CDH4: variants seen among roughly 807,000 people sequenced by gnomAD.
CDH4 encodes cadherin-4.
Under a neutral mutation model 86.0 loss-of-function variants are expected in CDH4, and 33 were observed. That is an observed-to-expected ratio of 0.38 (90% CI 0.29 to 0.51). CDH4 has a LOEUF of 0.51. Among genes scored for constraint, CDH4 ranks in the 20% least tolerant of loss-of-function variants. The pLI is 0.86. For missense variants in CDH4, 1,114 were observed against 1,307.4 expected (o/e 0.85, Z 2.28); for synonymous variants, 555 against 549.4 (o/e 1.01, Z -0.14).
intron 2 of CDH4, among the ~76,000 whole-genome samples, chr20:61,357,287 C>G (rs2084755872): frequency 6.6e-6 from 1 of 152,206 alleles, no homozygotes; most frequent in Non-Finnish European, 1.5e-5. Context: ...TGTGCCCCTC[C>G]CAGCATTGTC....
chr20:61,326,650 A>G (rs2084538342), intron 2 of CDH4, among the ~76,000 whole-genome samples: 1 of 152,210 alleles, frequency 6.6e-6, no homozygotes, highest in African/African-American at 2.4e-5. Context: ...GGGAGAGCCT[A>G]TGTGGCTGCA....
chr20:61,391,837 A>G (rs2084987819), intron 2 of CDH4, among the ~76,000 whole-genome samples: 1 of 152,052 alleles, frequency 6.6e-6, no homozygotes, highest in Non-Finnish European at 1.5e-5. Flanking sequence ...AGCTTTCCTG[A>G]GGCAAGCCCT....
intron 2 of CDH4, among the ~76,000 whole-genome samples, chr20:61,618,094 TATAAATTACCCAGTCTCGGGCAGG>T (rs2086740185): frequency 6.6e-6 from 1 of 152,144 alleles, no homozygotes; most frequent in Non-Finnish European, 1.5e-5. Flanking sequence ...TCTTTTTCTT[TATAAATTACCCAGTCTCGGGCAGG>T]CCTTTATCAG....
chr20:61,535,713 G>C (rs111402192), intron 2 of CDH4, among the ~76,000 whole-genome samples: 13,678 of 152,062 alleles, frequency 0.09, 822 homozygotes, highest in East Asian at 0.34. Context: ...ATACCCCTGA[G>C]CCTCCATGGG....
In CDH4 at chr20:61,796,111, G is replaced by T. The variant is rs1469508468; in HGVS notation, c.576+22929G>T. On this transcript the variant is annotated intron_variant, in intron 4 of 15. Transcript: ENST00000614565. ...CATCCAGGGAGGCTCCCGGACCGCT[G>T]CCTCCTCACCCTGTGGGGCCACTGG... Among the ~76,000 whole-genome samples, 3 of 152,250 alleles carry T rather than the reference G, an allele frequency of 2.0e-5. No homozygotes were observed. In the East Asian group the frequency reaches 5.8e-4, roughly 29 times the overall value.
chr20:61,895,913 C>A (rs1568873039), intron 8 of CDH4, among the ~76,000 whole-genome samples: 1 of 152,184 alleles, frequency 6.6e-6, no homozygotes, highest in Non-Finnish European at 1.5e-5. Context: ...GCCCCGGGAG[C>A]CCCTCTAGAA....
intron 2 of CDH4, among the ~76,000 whole-genome samples, chr20:61,589,840 G>A (rs1028226492): frequency 1.4e-5 from 2 of 147,468 alleles, no homozygotes; most frequent in African/African-American, 5.0e-5. Flanking sequence ...AAAAAAAAAA[G>A]AAAGACAAGG....
rs550120744 is a variant in CDH4, at chr20:61,907,235, C to T, written c.1189-3187C>T. Among the ~76,000 whole-genome samples the T allele has an allele frequency of 4.6e-4, 70 of 152,272 alleles. 1 individual carries two copies. Among genetic ancestry groups the T allele is most frequent in the African/African-American group, 1.4e-3 (60 of 41,542 alleles). On this transcript the variant is annotated intron_variant, in intron 8 of 15. Coordinates refer to ENST00000614565, the MANE Select transcript of CDH4 (RefSeq NM_001794.5). ...GCTCCTAGACTCACAGCAACACGGA[C>T]CTGGCTGAGGAGGGCTGCCCCTCCC...
intron 2 of CDH4, among the ~76,000 whole-genome samples, chr20:61,494,174 G>T (rs1418848131): frequency 6.6e-6 from 1 of 152,194 alleles, no homozygotes; most frequent in Non-Finnish European, 1.5e-5. Flanking sequence ...CTGGGTCCCA[G>T]GTTCTGACTT....
chr20:61,565,086 G>GTGGTGGTGGTGGTGC (rs1195428186), intron 2 of CDH4, among the ~76,000 whole-genome samples: 7 of 108,668 alleles, frequency 6.4e-5, no homozygotes, highest in East Asian at 2.5e-4. Flanking sequence ...GGTGGTGGTG[G>GTGGTGGTGGTGGTGC]TGCTCTTGGT....
intron 2 of CDH4, among the ~76,000 whole-genome samples, chr20:61,344,105 G>A (rs6513577): frequency 0.44 from 66,235 of 151,932 alleles, 15,007 homozygotes; most frequent in African/African-American, 0.56. Flanking sequence ...CCACGTGAGC[G>A]GTCACTGTGG....
chr20:61,457,463 C>T (rs553733901), intron 2 of CDH4, among the ~76,000 whole-genome samples: 1 of 152,306 alleles, frequency 6.6e-6, no homozygotes, highest in East Asian at 1.9e-4. Flanking sequence ...ATGTGAGTGA[C>T]AGTGGCAGGG....
chr20:61,889,960 T>C (rs957652220), intron 7 of CDH4, among the ~76,000 whole-genome samples: 7 of 143,640 alleles, frequency 4.9e-5, no homozygotes, highest in Admixed American at 4.9e-4. Flanking sequence ...GGTTGGATGA[T>C]GGATGGATGG....
At chr20:61,445,261 A>C (rs2085342471) in intron 2 of CDH4, among the ~76,000 whole-genome samples, 2 of 152,120 alleles carry the variant, frequency 1.3e-5, no homozygotes, top group African/African-American at 4.8e-5. Flanking sequence ...CCAGGAACCA[A>C]GAGGCCTGTG....
At chr20:61,692,412 T>C (rs2087669905) in intron 2 of CDH4, among the ~76,000 whole-genome samples, 1 of 152,262 alleles carries the variant, frequency 6.6e-6, no homozygotes, top group African/African-American at 2.4e-5. Context: ...AGGTATTTTA[T>C]TTTTGTTCTG....
chr20:61,512,737 G>A (rs948360464), intron 2 of CDH4, among the ~76,000 whole-genome samples: 2 of 152,214 alleles, frequency 1.3e-5, no homozygotes, highest in Non-Finnish European at 1.5e-5. Context: ...GGCCCTTGGG[G>A]GCCGCCGCTG....
intron 2 of CDH4, among the ~76,000 whole-genome samples, chr20:61,679,064 T>C (rs1003605006): frequency 6.6e-6 from 1 of 152,192 alleles, no homozygotes; most frequent in Non-Finnish European, 1.5e-5. Flanking sequence ...ATCTGTCTTG[T>C]TCCTGCCGCA....
rs547195566 is a variant in CDH4 at position 61,766,626 on chromosome 20, T to C, written c.397-6377T>C. 4.6e-5 allele frequency among the ~76,000 whole-genome samples: 7 copies of C among 152,316 alleles called. No individual in the cohort carries two copies. In the South Asian group the frequency reaches 1.2e-3, roughly 27 times the overall value. ...GATCGGGGATGAAATAAATCCTGAC[T>C]TGAGCAGTGGAGAGAAAAGCCATGC... On this transcript the variant is annotated intron_variant, in intron 3 of 15. Transcript: ENST00000614565.
chr20:61,537,175 C>T (rs1181517091), intron 2 of CDH4, among the ~76,000 whole-genome samples: 3 of 152,182 alleles, frequency 2.0e-5, no homozygotes, highest in Admixed American at 2.0e-4. Context: ...TTTCTTTCCC[C>T]CTGAGCTATC....
Sources: gnomAD v4.1 joint callset for allele counts (sites outside exome capture counted in the v4.1 genomes callset) on GRCh38, gnomAD v4.1.1 for gene constraint, MANE v1.5 for transcripts, NCBI Gene and HGNC (gene_info 2026-07-23, HGNC 2026-07-21) for gene names.